The following VGLL4 variants were observed in gnomAD, a reference collection of about 807,000 sequenced individuals.
VGLL4 encodes the protein transcription cofactor vestigial-like protein 4.
A neutral mutation model predicts 21.0 loss-of-function variants in VGLL4; 7 were observed. That is an observed-to-expected ratio of 0.33 (90% CI 0.19 to 0.63). The LOEUF is 0.63. VGLL4 is among the 20% of genes least tolerant of loss of function. The pLI is 0.78. For synonymous variants in VGLL4, 222 were observed against 173.2 expected, an observed-to-expected ratio of 1.28 and a Z score of -2.21; for missense variants, 394 against 425.7, an observed-to-expected ratio of 0.93 and a Z score of 0.66.
intron 1 of VGLL4, chr3:11,612,696 G>T (rs2075086448): frequency 6.6e-6 from 1 of 152,226 alleles, no homozygotes; most frequent in South Asian, 2.1e-4. Context: ...GAGCTCCGCT[G>T]TGGCTGTGCT....
chr3:11,563,180 T>TC (rs2073181291), intron 3 of VGLL4, among the ~76,000 whole-genome samples: 1 of 152,118 alleles, frequency 6.6e-6, no homozygotes, highest in Non-Finnish European at 1.5e-5. Flanking sequence ...CACAGTTATG[T>TC]CCCCCAGGTC....
chr3:11,717,826 T>C (rs981087140), intron 1 of VGLL4, among the ~76,000 whole-genome samples: 1 of 152,184 alleles, frequency 6.6e-6, no homozygotes, highest in Non-Finnish European at 1.5e-5. Context: ...CATTATTCTC[T>C]GTAATTCCTG....
In VGLL4 at chr3:11,669,813, G is replaced by C. The variant is rs144743962; in HGVS notation, c.64+33158C>G. 3.8e-4 allele frequency among the ~76,000 whole-genome samples: 58 copies of C among 152,174 alleles called. 2 individuals are homozygous for C. The East Asian group carries it at 0.01, about 27-fold the overall frequency. On this transcript the variant is annotated intron_variant, in intron 2 of 5. Transcript: ENST00000273038. ...TCCCATCTCAGCCTCCTGAATAGCT[G>C]GGACTACAGGGCACACACCACCATG...
intron 1 of VGLL4, among the ~76,000 whole-genome samples, chr3:11,710,073 C>G (rs1479534339): frequency 6.6e-6 from 1 of 152,104 alleles, no homozygotes; most frequent in Non-Finnish European, 1.5e-5. Flanking sequence ...CAAGAAGGTG[C>G]CACATTCTTT....
At chr3:11,591,299 G>A (rs1158609913) in intron 2 of VGLL4, among the ~76,000 whole-genome samples, 1 of 152,164 alleles carries the variant, frequency 6.6e-6, no homozygotes. Flanking sequence ...GTCCTTTCAA[G>A]GTTTTCGTCC....
chr3:11,620,039 G>A (rs1324458314), intron 1 of VGLL4, among the ~76,000 whole-genome samples: 3 of 104,050 alleles, frequency 2.9e-5, no homozygotes, highest in Non-Finnish European at 7.7e-5. Flanking sequence ...AAAGAGGAGA[G>A]AGTGCCACCC....
chr3:11,638,542 C>T (rs997808118), intron 1 of VGLL4, among the ~76,000 whole-genome samples: 1 of 152,032 alleles, frequency 6.6e-6, no homozygotes. Flanking sequence ...TCTGTCTCCC[C>T]CTTCCTCCCT....
chr3:11,675,111 G>A (rs534984603), intron 2 of VGLL4, among the ~76,000 whole-genome samples: 1 of 152,348 alleles, frequency 6.6e-6, no homozygotes, highest in African/African-American at 2.4e-5. Context: ...GGAGGCCGAG[G>A]TGGGTGGATC....
At chr3:11,650,721 AC>A (rs2075858481) in intron 2 of VGLL4, among the ~76,000 whole-genome samples, 13 of 34,790 alleles carry the variant, frequency 3.7e-4, no homozygotes, top group Admixed American at 1.2e-3. Context: ...CATAGAAAAC[AC>A]ACACACACAC....
At chr3:11,583,250 T>C (rs762769403) in intron 2 of VGLL4, among the ~76,000 whole-genome samples, 2 of 152,222 alleles carry the variant, frequency 1.3e-5, no homozygotes, top group African/African-American at 2.4e-5. Context: ...AGATATAGTA[T>C]TTTATAAACC....
chr3:11,647,189 C>T (rs2075806617), upstream of VGLL4, among the ~76,000 whole-genome samples: 1 of 152,130 alleles, frequency 6.6e-6, no homozygotes, highest in African/African-American at 2.4e-5. Flanking sequence ...CTAGGCCTTT[C>T]CATCCCAGCT....
At chr3:11,714,321 G>A (rs1419398527) in intron 1 of VGLL4, among the ~76,000 whole-genome samples, 1 of 152,146 alleles carries the variant, frequency 6.6e-6, no homozygotes, top group South Asian at 2.1e-4. Context: ...TATCTAAGGG[G>A]GACAAATAAA....
intron 1 of VGLL4, among the ~76,000 whole-genome samples, chr3:11,641,913 T>C (rs2075695369): frequency 6.6e-6 from 1 of 152,132 alleles, no homozygotes; most frequent in Non-Finnish European, 1.5e-5. Context: ...ATTTCTCTCT[T>C]AGGCCATTAT....
At chr3:11,615,795 T>C (rs2075150438) in intron 1 of VGLL4, among the ~76,000 whole-genome samples, 1 of 152,156 alleles carries the variant, frequency 6.6e-6, no homozygotes, top group African/African-American at 2.4e-5. Flanking sequence ...GGGGACACAT[T>C]TTCATACAAA....
rs578256776 is a variant in VGLL4 at position 11,657,805 on chromosome 3, A to G, written c.64+45166T>C. On this transcript the variant is annotated intron_variant, in intron 2 of 5. Coordinates refer to the VGLL4 transcript ENST00000273038. ...TAAGGTTAGAGAATGCCTGTGCCCT[A>G]TGGTACAGGCTGCCATAAAGAAAAT... Among the ~76,000 whole-genome samples, 3 of 152,334 alleles carry G rather than the reference A, an allele frequency of 2.0e-5. No homozygotes were observed. The East Asian group carries it at 5.8e-4, about 29-fold the overall frequency.
At chr3:11,700,019 C>CT (rs2076658180) in intron 2 of VGLL4, among the ~76,000 whole-genome samples, 1 of 152,184 alleles carries the variant, frequency 6.6e-6, no homozygotes, top group Non-Finnish European at 1.5e-5. Flanking sequence ...CAAAGGGAGT[C>CT]TTGCATCTAC....
intron 2 of VGLL4, among the ~76,000 whole-genome samples, chr3:11,597,513 CT>C (rs984163435): frequency 2.6e-5 from 4 of 152,092 alleles, no homozygotes; most frequent in African/African-American, 9.7e-5. Context: ...TTTGTTTTAT[CT>C]GAGGTCTTTA....
In VGLL4 at chr3:11,719,006, G is replaced by C. The variant is rs2076954779; in HGVS notation, c.-14+1388C>G. Reference sequence around the variant, plus strand: ...TGTCTCAGGGTGATGAATCAAAGGAGACTTCAAGCAAAACAAAAAGCGAAC... The same window carrying C: ...TGTCTCAGGGTGATGAATCAAAGGACACTTCAAGCAAAACAAAAAGCGAAC... On this transcript the variant is annotated intron_variant, in intron 1 of 5. Coordinates refer to the VGLL4 transcript ENST00000273038. This position sits in a 1 kb window ranked among gnomAD's most constrained non-coding sequence, Gnocchi z 4.0. Among the ~76,000 whole-genome samples, 1 of 152,206 alleles carries C rather than the reference G, an allele frequency of 6.6e-6. No homozygotes were observed.
At position 11,643,686 on chromosome 3, in the gene VGLL4, G is replaced by A. The variant is rs1321535886; in HGVS notation, c.-168C>T. ...GCAAAAGTTAAAAAAAAAAAAATCA[G>A]GCACAAAAAAATCGAGCTCACACGA... On this transcript the variant is annotated 5_prime_UTR_variant, in exon 1 of 5. Transcript: ENST00000430365. The A allele has an allele frequency of 1.4e-6, 2 of 1,427,664 alleles. No individual in the cohort carries two copies. Among genetic ancestry groups the A allele is most frequent in the Non-Finnish European group, 9.1e-7 (1 of 1,097,372 alleles). 88.4% of individuals were successfully genotyped at this position (1,427,664 alleles called of 1,614,324 possible).
Sources: gnomAD v4.1 joint callset for allele counts (sites outside exome capture counted in the v4.1 genomes callset) on GRCh38, gnomAD v4.1.1 for gene constraint, Gnocchi (gnomAD v3.1) non-coding constraint, MANE v1.5 for transcripts, NCBI Gene and HGNC (gene_info 2026-07-23, HGNC 2026-07-21) for gene names.